Variants in SPAG17 observed in about 807,000 individuals in gnomAD.
SPAG17 encodes the protein sperm-associated antigen 17.
SPAG17 carries 169 observed loss-of-function variants against 273.6 expected under a neutral mutation model. That is an observed-to-expected ratio of 0.62 (90% CI 0.55 to 0.70). The LOEUF (loss-of-function observed/expected upper bound fraction) is 0.70. SPAG17 is among the 30% of genes least tolerant of loss of function. The pLI, the probability that SPAG17 is intolerant of heterozygous loss-of-function variation, is 0.00. For synonymous variants in SPAG17, 825 were observed against 873.2 expected (o/e 0.94, Z 0.97); for missense variants, 2,557 against 2,627.8 (o/e 0.97, Z 0.59).
intron 1 of SPAG17, among the ~76,000 whole-genome samples, chr1:118,177,649 A>G (rs1660756233): frequency 6.6e-6 from 1 of 152,186 alleles, no homozygotes; most frequent in African/African-American, 2.4e-5. Context: ...GTTTTTTTGA[A>G]AAGATAAACA....
chr1:117,999,384 AG>A (rs1319737240), intron 32 of SPAG17, among the ~76,000 whole-genome samples: 2 of 152,148 alleles, frequency 1.3e-5, no homozygotes, highest in African/African-American at 4.8e-5. Flanking sequence ...TTCTGGTTCT[AG>A]GGCCTTGAGG....
intron 17 of SPAG17, among the ~76,000 whole-genome samples, chr1:118,069,331 T>A (rs1571401399): frequency 3.0e-5 from 1 of 33,820 alleles, no homozygotes; most frequent in East Asian, 4.9e-4. Flanking sequence ...AGCGACAGAG[T>A]GAGACTCCGT....
intron 24 of SPAG17, 111 bp downstream of exon 24, chr1:118,036,659 A>C: frequency 1.4e-6 from 1 of 703,100 alleles, no homozygotes. Context: ...AAAAACAATG[A>C]GGAGCATTAA....
chr1:118,124,094 A>G (rs1657568944), intron 3 of SPAG17, among the ~76,000 whole-genome samples: 1 of 152,230 alleles, frequency 6.6e-6, no homozygotes, highest in Non-Finnish European at 1.5e-5. Flanking sequence ...AAAATGTATA[A>G]AGGCACATGA....
rs556428534 is a variant in SPAG17, at chr1:118,043,466, A to T, written c.2815-1424T>A. Among the ~76,000 whole-genome samples, 4 of 152,340 alleles carry T rather than the reference A, an allele frequency of 2.6e-5. No homozygotes were observed. The South Asian group carries it at 8.3e-4, about 32-fold the overall frequency. The stretch of plus-strand genomic sequence containing the variant: ...TAAGCAAAATATTAAAAACAAAGGC[A>T]ATAAAGACTCAAAACTTACCACAAC... On this transcript the variant is annotated intron_variant, in intron 20 of 48. Transcript: ENST00000336338.
At chr1:118,119,355 C>T (rs1213002342) in intron 3 of SPAG17, among the ~76,000 whole-genome samples, 3 of 152,022 alleles carry the variant, frequency 2.0e-5, no homozygotes, top group African/African-American at 4.8e-5. Context: ...TTGCTTGGAA[C>T]AGGTTATGGG....
intron 4 of SPAG17, among the ~76,000 whole-genome samples, chr1:118,109,780 C>G (rs1265977946): frequency 2.0e-5 from 3 of 151,954 alleles, no homozygotes; most frequent in African/African-American, 7.3e-5. Context: ...ATCACCCTAT[C>G]TCATAAACAA....
intron 3 of SPAG17, among the ~76,000 whole-genome samples, chr1:118,127,397 A>G (rs1299127350): frequency 6.6e-6 from 1 of 152,176 alleles, no homozygotes; most frequent in Non-Finnish European, 1.5e-5. Context: ...GACACTTCAC[A>G]TGGTGAAGGC....
At chr1:118,014,131 C>T (rs1385601385) in intron 29 of SPAG17, among the ~76,000 whole-genome samples, 1 of 152,168 alleles carries the variant, frequency 6.6e-6, no homozygotes, top group East Asian at 1.9e-4. Context: ...GGGCAAATTA[C>T]TTAACCTCTC....
chr1:118,171,742 T>A (rs1660427796), intron 1 of SPAG17, among the ~76,000 whole-genome samples: 1 of 152,152 alleles, frequency 6.6e-6, no homozygotes, highest in Admixed American at 6.6e-5. Context: ...ATCTACCTCA[T>A]AGCACTGCTG....
chr1:118,133,130 T>C (rs967698819), intron 3 of SPAG17, among the ~76,000 whole-genome samples: 3 of 152,204 alleles, frequency 2.0e-5, no homozygotes, highest in African/African-American at 7.2e-5. Context: ...CTCCAACAGA[T>C]TGGAGAATGT....
chr1:117,979,911 C>T (rs1218630652), intron 43 of SPAG17, among the ~76,000 whole-genome samples: 1 of 152,164 alleles, frequency 6.6e-6, no homozygotes, highest in African/African-American at 2.4e-5. Context: ...TGCCCCTCTC[C>T]CCAAGTCACT....
chr1:118,022,587 T>C (rs1647234607), intron 28 of SPAG17, among the ~76,000 whole-genome samples: 1 of 152,172 alleles, frequency 6.6e-6, no homozygotes, highest in Non-Finnish European at 1.5e-5. Context: ...GACATTTTCA[T>C]GTGGTAGTGG....
chr1:117,971,319 G>A (rs558755423), intron 45 of SPAG17, among the ~76,000 whole-genome samples: 1 of 152,296 alleles, frequency 6.6e-6, no homozygotes, highest in South Asian at 2.1e-4. Context: ...AAAGTATATG[G>A]TGGGACTCAG....
chr1:117,956,033 G>A (rs944856013), intron 48 of SPAG17, among the ~76,000 whole-genome samples: 2 of 152,194 alleles, frequency 1.3e-5, no homozygotes, highest in African/African-American at 4.8e-5. Flanking sequence ...TTTGTTGCCA[G>A]TGTGTGAGCC....
At chr1:118,158,970 C>CTTTGAA (rs1659784078) in intron 1 of SPAG17, among the ~76,000 whole-genome samples, 1 of 152,228 alleles carries the variant, frequency 6.6e-6, no homozygotes. Context: ...TCCTGCTTCA[C>CTTTGAA]CCATGTGCCT....
At chr1:118,044,192 C>T (rs1301039281) in intron 20 of SPAG17, among the ~76,000 whole-genome samples, 1 of 152,174 alleles carries the variant, frequency 6.6e-6, no homozygotes, top group African/African-American at 2.4e-5. Context: ...TTTACCAGCA[C>T]ACCGCTGAAT....
At chr1:118,128,190 G>T (rs1168542115) in intron 3 of SPAG17, among the ~76,000 whole-genome samples, 2 of 151,446 alleles carry the variant, frequency 1.3e-5, no homozygotes, top group Non-Finnish European at 2.9e-5. Flanking sequence ...AAATGGGATT[G>T]CTTTTTTGAT....
chr1:118,128,215 G>T (rs1657849271), intron 3 of SPAG17, among the ~76,000 whole-genome samples: 1 of 151,108 alleles, frequency 6.6e-6, no homozygotes, highest in African/African-American at 2.4e-5. Context: ...CAGCTAGTTT[G>T]TTATTGGTGT....
Sources: gnomAD v4.1 joint callset for allele counts (sites outside exome capture counted in the v4.1 genomes callset) on GRCh38, gnomAD v4.1.1 for gene constraint, MANE v1.5 for transcripts, NCBI Gene and HGNC (gene_info 2026-07-23, HGNC 2026-07-21) for gene names.